RBFOX1: variants seen among roughly 807,000 people sequenced by gnomAD.
RBFOX1 encodes RNA binding protein fox-1 homolog 1.
A neutral mutation model predicts 57.7 loss-of-function variants in RBFOX1; 8 were observed. The observed-to-expected ratio is 0.14, with a 90% CI of 0.08 to 0.25. The LOEUF (loss-of-function observed/expected upper bound fraction) is 0.25, where lower values mean the gene tolerates loss of function less well. Among genes scored for constraint, RBFOX1 ranks in the 10% least tolerant of loss-of-function variants. RBFOX1 has a pLI of 1.00. For missense variants in RBFOX1, 611 were observed against 548.5 expected (o/e 1.11, Z -1.14); for synonymous variants, 326 against 222.4 (o/e 1.47, Z -4.15).
At chr16:7,520,559 GTTTA>G (rs1273009508) in intron 5 of RBFOX1, among the ~76,000 whole-genome samples, 8 of 152,164 alleles carry the variant, frequency 5.3e-5, no homozygotes, top group African/African-American at 1.2e-4. Context: ...GATAGACCGT[GTTTA>G]TTTATTCATT....
At chr16:5,924,051 G>A (rs373938388) in intron 4 of RBFOX1, among the ~76,000 whole-genome samples, 1 of 152,100 alleles carries the variant, frequency 6.6e-6, no homozygotes, top group African/African-American at 2.4e-5. Flanking sequence ...TCTCAGGATA[G>A]TGACTGAATC....
intron 3 of RBFOX1, among the ~76,000 whole-genome samples, chr16:5,656,383 C>T (rs1006924031): frequency 6.6e-6 from 1 of 152,156 alleles, no homozygotes. Flanking sequence ...TTGCAACTCT[C>T]TCACATTCAT....
intron 3 of RBFOX1, among the ~76,000 whole-genome samples, chr16:7,018,338 T>G (rs2094019465): frequency 6.6e-6 from 1 of 152,188 alleles, no homozygotes; most frequent in Non-Finnish European, 1.5e-5. Context: ...CTCCGGGAGT[T>G]GTTTCAGGCC....
intron 2 of RBFOX1, among the ~76,000 whole-genome samples, chr16:5,547,662 G>T (rs868835696): frequency 6.6e-6 from 1 of 152,154 alleles, no homozygotes; most frequent in African/African-American, 2.4e-5. Context: ...CATTAACGGT[G>T]CCTTGAGTGA....
intron 3 of RBFOX1, among the ~76,000 whole-genome samples, chr16:5,753,301 C>G (rs950998349): frequency 2.6e-5 from 4 of 152,066 alleles, no homozygotes; most frequent in Admixed American, 2.6e-4. Context: ...ACATAGAACA[C>G]TTAAAAAAAT....
intron 2 of RBFOX1, among the ~76,000 whole-genome samples, chr16:6,573,013 A>T (rs80162510): frequency 0.034 from 5,174 of 152,266 alleles, 300 homozygotes; most frequent in African/African-American, 0.12. Flanking sequence ...GGATCACTCT[A>T]TTAAGAGATC....
chr16:7,147,809 A>G (rs76800760), intron 4 of RBFOX1, among the ~76,000 whole-genome samples: 1 of 152,086 alleles, frequency 6.6e-6, no homozygotes, highest in Non-Finnish European at 1.5e-5. Context: ...TGGTAGAACG[A>G]TTTATTTTTC....
At chr16:6,643,848 G>C (rs948630452) in intron 2 of RBFOX1, among the ~76,000 whole-genome samples, 1 of 151,808 alleles carries the variant, frequency 6.6e-6, no homozygotes, top group African/African-American at 2.4e-5. Context: ...ATATAAGGCT[G>C]AGCACGCTGG....
chr16:5,974,731 A>T (rs1419322209), intron 4 of RBFOX1, among the ~76,000 whole-genome samples: 1 of 152,166 alleles, frequency 6.6e-6, no homozygotes, highest in Non-Finnish European at 1.5e-5. Context: ...AAACCAAGCC[A>T]GGCGCAGTGG....
At chr16:7,052,774 G>C (rs1301340289) in intron 4 of RBFOX1, among the ~76,000 whole-genome samples, 2 of 152,140 alleles carry the variant, frequency 1.3e-5, no homozygotes, top group Non-Finnish European at 1.5e-5. Context: ...TTGGTATGGG[G>C]ATGGCATTTT....
At chr16:6,939,983 T>G (rs1485640193) in intron 3 of RBFOX1, among the ~76,000 whole-genome samples, 1 of 152,180 alleles carries the variant, frequency 6.6e-6, no homozygotes, top group Non-Finnish European at 1.5e-5. Context: ...TTTGTATAAT[T>G]TATATCATCC....
At chr16:5,686,473 G>T (rs1416692924) in intron 3 of RBFOX1, among the ~76,000 whole-genome samples, 1 of 152,168 alleles carries the variant, frequency 6.6e-6, no homozygotes, top group African/African-American at 2.4e-5. Flanking sequence ...AGTGAAGGTA[G>T]CTGTTTCCTG....
At chr16:6,321,623 A>G (rs539118785) in intron 2 of RBFOX1, among the ~76,000 whole-genome samples, 3 of 152,324 alleles carry the variant, frequency 2.0e-5, no homozygotes, top group African/African-American at 4.8e-5. Context: ...TTTCCATGGC[A>G]TCTACTGTAG....
intron 3 of RBFOX1, among the ~76,000 whole-genome samples, chr16:6,917,008 T>A (rs8056933): frequency 0.019 from 2,925 of 151,986 alleles, 100 homozygotes; most frequent in African/African-American, 0.066. Context: ...TGCCATCACA[T>A]CAGGCTAATT....
chr16:7,306,381 G>A (rs562595328), intron 4 of RBFOX1, among the ~76,000 whole-genome samples: 1 of 152,244 alleles, frequency 6.6e-6, no homozygotes, highest in Admixed American at 6.5e-5. Context: ...GGAAAGGGGA[G>A]GCTTGAAGAA....
At chr16:5,583,256 G>A (rs2046732200) in intron 2 of RBFOX1, among the ~76,000 whole-genome samples, 1 of 152,190 alleles carries the variant, frequency 6.6e-6, no homozygotes, top group Admixed American at 6.5e-5. Flanking sequence ...GCCTTAGAAG[G>A]ACTCCATACT....
intron 3 of RBFOX1, among the ~76,000 whole-genome samples, chr16:6,990,891 T>G (rs770014049): frequency 5.3e-5 from 8 of 152,088 alleles, no homozygotes; most frequent in Non-Finnish European, 1.0e-4. Flanking sequence ...AAGGCTGTCA[T>G]TTTTTATGAT....
At chr16:5,326,940 A>T (rs550131109) in intron 1 of RBFOX1, among the ~76,000 whole-genome samples, 5 of 152,344 alleles carry the variant, frequency 3.3e-5, no homozygotes, top group African/African-American at 1.2e-4. Flanking sequence ...CTGTCCTAGG[A>T]ACTGAGGGTA....
chr16:5,704,291 G>A (rs956785903), intron 3 of RBFOX1, among the ~76,000 whole-genome samples: 2 of 152,120 alleles, frequency 1.3e-5, no homozygotes, highest in African/African-American at 4.8e-5. Context: ...CTCCTCTGGA[G>A]GAACTCTGGA....
Sources: gnomAD v4.1 joint callset for allele counts (sites outside exome capture counted in the v4.1 genomes callset) on GRCh38, gnomAD v4.1.1 for gene constraint, MANE v1.5 for transcripts, NCBI Gene and HGNC (gene_info 2026-07-23, HGNC 2026-07-21) for gene names.